Variants in RALYL observed in about 807,000 individuals in gnomAD.
RALYL encodes RALY RNA binding protein like.
Under a neutral mutation model 35.1 loss-of-function variants are expected in RALYL, and 29 were observed. That is an observed-to-expected ratio of 0.83 (90% CI 0.61 to 1.13). The LOEUF (loss-of-function observed/expected upper bound fraction) is 1.13. RALYL is among the 50% of genes most tolerant of loss of function. The probability of loss-of-function intolerance (pLI) is 0.00; values close to 1 mark genes in which losing one functional copy is unlikely to be tolerated. For synonymous variants in RALYL, 120 were observed against 127.6 expected (o/e 0.94, Z 0.40); for missense variants, 359 against 360.4 (o/e 1.00, Z 0.03).
intron 5 of RALYL, among the ~76,000 whole-genome samples, chr8:84,853,017 A>G (rs144152251): frequency 1.3e-5 from 2 of 152,354 alleles, no homozygotes; most frequent in Non-Finnish European, 2.9e-5. Flanking sequence ...CTATCTTTAA[A>G]GCAAAATTAG....
intron 1 of RALYL, among the ~76,000 whole-genome samples, chr8:84,455,247 T>A (rs980694148): frequency 1.3e-5 from 2 of 151,976 alleles, no homozygotes; most frequent in African/African-American, 4.8e-5. Flanking sequence ...TTTAAAAAAA[T>A]TGAAACTGTT....
intron 8 of RALYL, among the ~76,000 whole-genome samples, chr8:84,896,694 G>T (rs1175783065): frequency 3.3e-5 from 5 of 152,114 alleles, no homozygotes; most frequent in African/African-American, 1.2e-4. Flanking sequence ...ACCCCTGAAT[G>T]TGGGGACAAG....
intron 1 of RALYL, among the ~76,000 whole-genome samples, chr8:84,501,122 G>A (rs537618096): frequency 7.2e-5 from 11 of 152,176 alleles, no homozygotes; most frequent in Admixed American, 2.0e-4. Flanking sequence ...TTATATGTGG[G>A]TGTATGTGTT....
chr8:84,439,064 A>C (rs2048052715), intron 1 of RALYL, among the ~76,000 whole-genome samples: 1 of 151,492 alleles, frequency 6.6e-6, no homozygotes, highest in Non-Finnish European at 1.5e-5. Flanking sequence ...TGCTTTCGTC[A>C]TTTGGGCTCT....
chr8:84,804,742 A>G lies in RALYL; in HGVS notation c.333-28A>G, dbSNP rs1034388411. 1.5e-5 allele frequency: 16 copies of G among 1,047,112 alleles called. No individual in the cohort carries two copies. The African/African-American group carries it at 2.1e-4, about 14-fold the overall frequency. The allele number at this position is 1,047,112 out of a possible 1,614,324, so 64.9% of individuals were successfully genotyped here. ...TGAATATACAGCAAATTTTTATATT[A>G]AAAGAAAATTTTCATATTTTTTCAT... On this transcript the variant is annotated intron_variant, in intron 3 of 8. Transcript: ENST00000521268.
chr8:84,747,095 C>G (rs1808779051), intron 2 of RALYL, among the ~76,000 whole-genome samples: 1 of 151,520 alleles, frequency 6.6e-6, no homozygotes, highest in Non-Finnish European at 1.5e-5. Context: ...GAAAATATAC[C>G]ATATGTCCAG....
At chr8:84,485,000 C>T (rs1177323851) in intron 1 of RALYL, among the ~76,000 whole-genome samples, 2 of 152,078 alleles carry the variant, frequency 1.3e-5, no homozygotes, top group African/African-American at 4.8e-5. Context: ...TCTTTAAAGA[C>T]TTTTTCAAGT....
intron 2 of RALYL, among the ~76,000 whole-genome samples, chr8:84,716,722 T>G (rs1842992191): frequency 6.6e-6 from 1 of 152,186 alleles, no homozygotes; most frequent in Admixed American, 6.5e-5. Context: ...CAGAAATATT[T>G]TGCATATTTT....
intron 2 of RALYL, among the ~76,000 whole-genome samples, chr8:84,730,483 G>C (rs1349994000): frequency 6.7e-6 from 1 of 148,954 alleles, no homozygotes; most frequent in African/African-American, 2.5e-5. Flanking sequence ...ACAAGACAGG[G>C]ATGCCCTCTC....
intron 1 of RALYL, among the ~76,000 whole-genome samples, chr8:84,307,528 TTAAAG>T (rs1319460035): frequency 1.3e-5 from 2 of 152,198 alleles, no homozygotes; most frequent in Admixed American, 1.3e-4. Flanking sequence ...ATTTCATTGA[TTAAAG>T]TAGTATCAAT....
At chr8:84,640,600 T>C (rs1054405339) in intron 2 of RALYL, among the ~76,000 whole-genome samples, 1 of 151,860 alleles carries the variant, frequency 6.6e-6, no homozygotes, top group Non-Finnish European at 1.5e-5. Context: ...AAAACATTGC[T>C]TTTCTAGACC....
At chr8:84,248,000 T>G (rs1366561067) in intron 1 of RALYL, among the ~76,000 whole-genome samples, 1 of 152,106 alleles carries the variant, frequency 6.6e-6, no homozygotes, top group African/African-American at 2.4e-5. Flanking sequence ...ATATAAACAG[T>G]TTTTGTGCTT....
At chr8:84,448,983 G>A (rs988757029) in intron 1 of RALYL, among the ~76,000 whole-genome samples, 6 of 151,768 alleles carry the variant, frequency 4.0e-5, no homozygotes, top group African/African-American at 9.7e-5. Context: ...GTTAATATGC[G>A]AATATCCAGC....
At chr8:84,529,726 CATATT>C (rs1564093685) in intron 2 of RALYL, 149 bp downstream of exon 2, 1 of 646,682 alleles carries the variant, frequency 1.5e-6, no homozygotes, top group Non-Finnish European at 2.4e-6. Context: ...TTTTCATCCT[CATATT>C]GTTTTGTATA....
chr8:84,749,111 C>A (rs958073092), intron 2 of RALYL, among the ~76,000 whole-genome samples: 1 of 152,106 alleles, frequency 6.6e-6, no homozygotes, highest in Non-Finnish European at 1.5e-5. Flanking sequence ...AAAAAACTTA[C>A]ATCACAAATG....
chr8:84,670,191 G>A (rs954131031), intron 2 of RALYL, among the ~76,000 whole-genome samples: 2 of 150,876 alleles, frequency 1.3e-5, no homozygotes, highest in Non-Finnish European at 1.5e-5. Flanking sequence ...TCCTGGTCAT[G>A]GACTTTCTGC....
chr8:84,403,537 T>G (rs1458726229), intron 1 of RALYL, among the ~76,000 whole-genome samples: 1 of 133,862 alleles, frequency 7.5e-6, no homozygotes, highest in Non-Finnish European at 1.5e-5. Context: ...TTTTTTTTTT[T>G]TTTTTTTTTT....
chr8:84,236,559 T>C (rs1826599849), intron 1 of RALYL, among the ~76,000 whole-genome samples: 1 of 152,134 alleles, frequency 6.6e-6, no homozygotes, highest in South Asian at 2.1e-4. Flanking sequence ...GTTGCCACCT[T>C]ATGTCTCTAG....
intron 1 of RALYL, among the ~76,000 whole-genome samples, chr8:84,502,981 G>A (rs569576203): frequency 4.6e-5 from 7 of 151,542 alleles, no homozygotes; most frequent in Non-Finnish European, 8.8e-5. Context: ...GGTTTTGAAA[G>A]GAAAAATACT....
Sources: allele counts gnomAD v4.1 joint callset (sites outside exome capture counted in the v4.1 genomes callset), GRCh38; gene constraint gnomAD v4.1.1; transcripts MANE v1.5; gene names NCBI Gene and HGNC (gene_info 2026-07-23, HGNC 2026-07-21).